The following AFF3 variants were observed in gnomAD, a reference collection of about 807,000 sequenced individuals.
The protein encoded by AFF3 is ALF transcription elongation factor 3.
In AFF3, 32 loss-of-function variants were observed where a neutral mutation model predicts 129.7. The ratio of observed to expected loss-of-function variants is 0.25; its 90% CI spans 0.19 to 0.33. The LOEUF (loss-of-function observed/expected upper bound fraction) is 0.33. Among genes scored for constraint, AFF3 ranks in the 10% least tolerant of loss-of-function variants. The pLI is 1.00. For missense variants in AFF3, 1,373 were observed against 1,592.0 expected (o/e 0.86, Z 2.34); for synonymous variants, 644 against 635.4 (o/e 1.01, Z -0.20).
intron 7 of AFF3, among the ~76,000 whole-genome samples, chr2:99,958,712 TA>T (rs1676909360): frequency 6.6e-6 from 1 of 151,608 alleles, no homozygotes; most frequent in Non-Finnish European, 1.5e-5. Context: ...AAACACACAG[TA>T]TTATGACCTA....
intron 11 of AFF3, among the ~76,000 whole-genome samples, chr2:99,713,320 G>C (rs1678074402): frequency 6.8e-6 from 1 of 147,734 alleles, no homozygotes; most frequent in Non-Finnish European, 1.5e-5. Context: ...CTAGGCTGCA[G>C]TGCAGTGGCA....
At chr2:100,034,316 A>G (rs191060382) in intron 4 of AFF3, among the ~76,000 whole-genome samples, 1 of 152,336 alleles carries the variant, frequency 6.6e-6, no homozygotes, top group East Asian at 1.9e-4. Flanking sequence ...ATAAAATGCC[A>G]AAGTATTAAC....
intron 13 of AFF3, among the ~76,000 whole-genome samples, chr2:99,647,642 A>G (rs561837540): frequency 2.0e-5 from 3 of 152,352 alleles, no homozygotes; most frequent in Admixed American, 2.0e-4. Context: ...AACTTAAAAT[A>G]CAAGTTGAAG....
At chr2:100,106,712 T>C (rs528501186) in intron 2 of AFF3, 491 of 986,018 alleles carry the variant, frequency 5.0e-4, no homozygotes, top group Non-Finnish European at 5.7e-4. Context: ...CACCGGGATC[T>C]GGCTTTCCTT....
chr2:100,051,672 T>C (rs183071953), intron 4 of AFF3, among the ~76,000 whole-genome samples: 1 of 152,188 alleles, frequency 6.6e-6, no homozygotes, highest in Non-Finnish European at 1.5e-5. Context: ...GGTCTCTACA[T>C]GGACAGATGA....
intron 18 of AFF3, among the ~76,000 whole-genome samples, chr2:99,576,994 C>T (rs1046544750): frequency 2.6e-5 from 4 of 152,138 alleles, no homozygotes; most frequent in African/African-American, 9.6e-5. Context: ...TGGTGAGGGC[C>T]AGGAGTGTGT....
chr2:99,554,276 G>C (rs747713157), intron 24 of AFF3, 35 bp downstream of exon 24: 2 of 1,609,346 alleles, frequency 1.2e-6, no homozygotes, highest in African/African-American at 1.3e-5. Context: ...CCCGGGAGGC[G>C]GAAGCCCCTG....
chr2:99,745,024 C>T (rs145273990), intron 9 of AFF3, among the ~76,000 whole-genome samples: 1 of 152,318 alleles, frequency 6.6e-6, no homozygotes, highest in East Asian at 1.9e-4. Context: ...AATTTATCTA[C>T]ACCCTTGTCA....
At chr2:99,858,524 CCA>C (rs1425764275) in intron 7 of AFF3, among the ~76,000 whole-genome samples, 1 of 152,020 alleles carries the variant, frequency 6.6e-6, no homozygotes, top group African/African-American at 2.4e-5. Context: ...GCACTCCAGC[CCA>C]GGCAACAGAG....
intron 8 of AFF3, among the ~76,000 whole-genome samples, chr2:99,752,703 T>C (rs1419043051): frequency 2.6e-5 from 4 of 152,216 alleles, no homozygotes; most frequent in Non-Finnish European, 4.4e-5. Context: ...ACTTTATGAA[T>C]CTTTATTAGA....
chr2:99,636,756 G>C (rs1454188576), intron 13 of AFF3, among the ~76,000 whole-genome samples: 1 of 152,168 alleles, frequency 6.6e-6, no homozygotes, highest in Non-Finnish European at 1.5e-5. Context: ...CACAGGAAAG[G>C]GAGTTGGACG....
chr2:99,611,556 T>C lies in AFF3; in HGVS notation c.1185-9935A>G, dbSNP rs553633579. On this transcript the variant is annotated intron_variant, in intron 13 of 24. Transcript: ENST00000672756. ...GCTGATGGAGAGGGGGCCACAGTTTTTTTTCCCCCCACGGTGTTTGTCTGG... is the reference window on the plus strand; with the variant it reads ...GCTGATGGAGAGGGGGCCACAGTTTCTTTTCCCCCCACGGTGTTTGTCTGG... Among the ~76,000 whole-genome samples, 67 of 152,178 alleles carry C rather than the reference T, an allele frequency of 4.4e-4. 1 individual carries two copies. The highest frequency in any genetic ancestry group is 1.5e-3 in the African/African-American group (62 of 41,502).
chr2:99,864,743 G>A (rs573593119), intron 7 of AFF3, among the ~76,000 whole-genome samples: 25 of 152,316 alleles, frequency 1.6e-4, no homozygotes, highest in Non-Finnish European at 2.5e-4. Flanking sequence ...GGGCTTCATC[G>A]GGGAAAGAGA....
intron 17 of AFF3, among the ~76,000 whole-genome samples, chr2:99,581,460 G>T (rs908995711): frequency 5.3e-5 from 8 of 151,862 alleles, no homozygotes; most frequent in Non-Finnish European, 1.2e-4. Flanking sequence ...TAATTCATGG[G>T]ATAAAGTGTT....
chr2:99,720,211 T>A (rs1678770366), intron 11 of AFF3, among the ~76,000 whole-genome samples: 1 of 152,138 alleles, frequency 6.6e-6, no homozygotes, highest in Admixed American at 6.5e-5. Context: ...ATGTTGGAAT[T>A]TGATCCCCAG....
intron 4 of AFF3, among the ~76,000 whole-genome samples, chr2:100,058,111 CA>C (rs1686954312): frequency 1.3e-5 from 2 of 152,248 alleles, no homozygotes; most frequent in East Asian, 3.9e-4. Context: ...GTATCAACTA[CA>C]AAAACAGTAA....
Position 99,994,143 on chromosome 2 carries a change from G to A in AFF3, c.873+12489C>T, listed in dbSNP as rs565967630. Among the ~76,000 whole-genome samples, 4 of 152,078 alleles carry A rather than the reference G, an allele frequency of 2.6e-5. No individual in the cohort carries two copies. In the South Asian group the frequency reaches 8.3e-4, roughly 32 times the overall value. On this transcript the variant is annotated intron_variant, in intron 7 of 24. Transcript: ENST00000672756. Reference sequence around the variant, plus strand: ...TTTTAAAAAAAAATTCCCTGAGCTAGAACAAACTGATACGCAGACTGAAAG... The same window carrying A: ...TTTTAAAAAAAAATTCCCTGAGCTAAAACAAACTGATACGCAGACTGAAAG...
intron 7 of AFF3, among the ~76,000 whole-genome samples, chr2:99,883,185 A>C (rs538521793): frequency 6.6e-6 from 1 of 152,284 alleles, no homozygotes; most frequent in South Asian, 2.1e-4. Flanking sequence ...GTGCATTTTA[A>C]CCTTTGCAAT....
intron 8 of AFF3, among the ~76,000 whole-genome samples, chr2:99,764,662 A>T (rs148059270): frequency 1.3e-5 from 2 of 152,318 alleles, no homozygotes; most frequent in African/African-American, 4.8e-5. Flanking sequence ...CTTAGAACTG[A>T]GCATTGCATT....
Sources: allele counts gnomAD v4.1 joint callset (sites outside exome capture counted in the v4.1 genomes callset), GRCh38; gene constraint gnomAD v4.1.1; transcripts MANE v1.5; gene names NCBI Gene and HGNC (gene_info 2026-07-23, HGNC 2026-07-21).